The following UNC45B variants were observed in gnomAD, a reference collection of about 807,000 sequenced individuals.
The protein encoded by UNC45B is unc-45 myosin chaperone B, also known as protein unc-45 homolog B.
UNC45B carries 78 observed loss-of-function variants against 98.7 expected under a neutral mutation model. The ratio of observed to expected loss-of-function variants is 0.79; its 90% CI spans 0.66 to 0.95. The LOEUF (loss-of-function observed/expected upper bound fraction) is 0.95, where lower values mean the gene tolerates loss of function less well. Ranked by LOEUF, UNC45B falls within the 40% of genes least tolerant of loss-of-function variation. The probability of loss-of-function intolerance (pLI) is 0.00; values close to 1 mark genes in which losing one functional copy is unlikely to be tolerated. For missense variants in UNC45B, 1,225 were observed against 1,184.9 expected, an observed-to-expected ratio of 1.03 and a Z score of -0.50; for synonymous variants, 462 against 480.4, an observed-to-expected ratio of 0.96 and a Z score of 0.50.
chr17:35,158,917 G>T (rs949663488), intron 7 of UNC45B, among the ~76,000 whole-genome samples: 1 of 152,320 alleles, frequency 6.6e-6, no homozygotes, highest in Middle Eastern at 3.4e-3. Flanking sequence ...ATCTACCAGT[G>T]GGCAGGAAGT....
In UNC45B at chr17:35,171,250, G is replaced by A. The variant is rs1402221754; in HGVS notation, c.1690-72G>A. On this transcript the variant is annotated intron_variant, in intron 12 of 19. Coordinates refer to ENST00000394570, the MANE Select transcript of UNC45B (RefSeq NM_001267052.2). ...ACCAACCTGCCGGCCACGTGAGGGAGCATCCTGGAAGCAGAGGTTTGTCCT... is the reference window on the plus strand; with the variant it reads ...ACCAACCTGCCGGCCACGTGAGGGAACATCCTGGAAGCAGAGGTTTGTCCT... 7.0e-6 allele frequency: 11 copies of A among 1,572,626 alleles called. No homozygotes were observed. In the Admixed American group the frequency reaches 8.8e-5, roughly 13 times the overall value.
At chr17:35,167,845 TTA>T (rs2092151627) in intron 9 of UNC45B, among the ~76,000 whole-genome samples, 1 of 152,180 alleles carries the variant, frequency 6.6e-6, no homozygotes, top group Non-Finnish European at 1.5e-5. Context: ...GACACAGCTG[TTA>T]TGTCATTTAT....
At position 35,187,103 on chromosome 17, in the gene UNC45B, A is replaced by T. The variant is rs2092308485; in HGVS notation, c.*544A>T. 6.5e-6 allele frequency: 1 copy of T among 154,456 alleles called. No individual in the cohort carries two copies. The highest frequency in any genetic ancestry group is 1.4e-5 in the Non-Finnish European group (1 of 69,298). 9.6% of individuals were successfully genotyped at this position (154,456 alleles called of 1,614,324 possible). Reference sequence around the variant, plus strand: ...CATCACTTCACTGTGATGGAAATAGAGTTTATGTTCAACAGTGGGGCATGA... The same window carrying T: ...CATCACTTCACTGTGATGGAAATAGTGTTTATGTTCAACAGTGGGGCATGA... On this transcript the variant is annotated 3_prime_UTR_variant, in exon 20 of 20. Coordinates refer to ENST00000394570, the MANE Select transcript of UNC45B (RefSeq NM_001267052.2).
rs977733779 is a variant in UNC45B, at chr17:35,180,612, A to C, written c.2309A>C (p.Glu770Ala). ...CCAGACATCGAGAACTACATGTTTGAGAATCATGATCAGCTGCGGCAGGCG... is the reference window on the plus strand; with the variant it reads ...CCAGACATCGAGAACTACATGTTTGCGAATCATGATCAGCTGCGGCAGGCG... Reference protein sequence around the residue: ...ALPDIENYMFENHDQLRQAAT... With the variant: ...ALPDIENYMFANHDQLRQAAT... The change falls in exon 18 of 20, where the codon GAG becomes GCG. Residue 770 changes from glutamate to alanine, a missense_variant. Transcript: ENST00000394570. 1.2e-6 allele frequency: 2 copies of C among 1,613,936 alleles called. No homozygotes were observed. Among genetic ancestry groups the C allele is most frequent in the Non-Finnish European group, 1.7e-6 (2 of 1,179,986 alleles).
In UNC45B at chr17:35,175,949, T is replaced by C; in HGVS notation, c.1959-19T>C. On this transcript the variant is annotated intron_variant, in intron 14 of 19. Transcript: ENST00000394570. ...TGTGCTGGTGTATTAACTGTTCTCC[T>C]TTCTTCTCGGTCCCACAGGGTATTC... is the stretch of plus-strand genomic sequence containing the variant. 6.2e-7 allele frequency: 1 copy of C among 1,613,066 alleles called. No individual in the cohort carries two copies.
chr17:35,186,413 A>G lies in UNC45B; in HGVS notation c.2644A>G (p.Lys882Glu). The G allele has an allele frequency of 6.2e-7, 1 of 1,614,228 alleles. No individual in the cohort carries two copies. Among genetic ancestry groups the G allele is most frequent in the East Asian group, 2.2e-5 (1 of 44,882 alleles). ...ACTGGCAGCCGATGCTGAGCTGGCC[A>G]AGAAGCTGGTGGAGAGTGAGCTGCT... ...NLLAADAELA[K>E]KLVESELLEI... Residue 882 changes from lysine (K) to glutamate (E), a missense_variant, in exon 20 of 20, where the codon AAG becomes GAG. Coordinates refer to ENST00000394570, the MANE Select transcript of UNC45B (RefSeq NM_001267052.2).
chr17:35,149,770 C>G (rs968704215), intron 3 of UNC45B, among the ~76,000 whole-genome samples: 1 of 152,144 alleles, frequency 6.6e-6, no homozygotes, highest in Non-Finnish European at 1.5e-5. Flanking sequence ...ATGCAAGCAC[C>G]GATTGGTTAA....
At chr17:35,165,573 C>T (rs549650185) in intron 9 of UNC45B, among the ~76,000 whole-genome samples, 57 of 152,176 alleles carry the variant, frequency 3.7e-4, no homozygotes, top group African/African-American at 1.2e-3. Flanking sequence ...TATGAAGGGC[C>T]AGAGAGTAAA....
intron 4 of UNC45B, among the ~76,000 whole-genome samples, chr17:35,151,799 C>CA (rs2092021405): frequency 5.9e-5 from 9 of 152,128 alleles, no homozygotes; most frequent in Admixed American, 5.9e-4. Context: ...TCCGCACCCC[C>CA]AAAGGAAATG....
Position 35,168,335 on chromosome 17 carries a change from GAGA to G in UNC45B, c.1430_1432del (p.Lys477del). 7.3e-7 allele frequency: 1 copy of G among 1,375,024 alleles called. No homozygotes were observed. Among genetic ancestry groups the G allele is most frequent in the Non-Finnish European group, 9.5e-7 (1 of 1,053,104 alleles). 85.2% of individuals were successfully genotyped at this position (1,375,024 alleles called of 1,614,324 possible). A position where few individuals can be genotyped will look rare whatever the true frequency, so the allele number is the denominator to read the frequency against. ...ACAGATCTACAAGACCACCAAAAAT[GAGA>G]AGATCAAGATCCGCACACTGGTGGT... On this transcript the variant is annotated inframe_deletion, in exon 10 of 20. Coordinates refer to ENST00000394570, the MANE Select transcript of UNC45B (RefSeq NM_001267052.2).
chr17:35,167,763 A>C (rs1377819281), intron 9 of UNC45B, among the ~76,000 whole-genome samples: 1 of 152,136 alleles, frequency 6.6e-6, no homozygotes, highest in Non-Finnish European at 1.5e-5. Flanking sequence ...TCTCTTCCCA[A>C]GAGCTCTCTC....
Position 35,168,201 on chromosome 17 carries a change from G to T in UNC45B, c.1292G>T (p.Gly431Val), listed in dbSNP as rs2092155180. ...ATGGAGATGATGGTGGCACTATGTG[G>T]CTCAGAGCGCGAGACGGACCAGCTG... Reference protein sequence around the residue: ...GVMEMMVALCGSERETDQLVA... With the variant: ...GVMEMMVALCVSERETDQLVA... The change falls in exon 10 of 20, where the codon GGC becomes GTC. Residue 431 changes from glycine (G) to valine (V), a missense_variant. By Grantham distance (109) the Gly-to-Val change is moderately radical. Coordinates refer to ENST00000394570, the MANE Select transcript of UNC45B (RefSeq NM_001267052.2). 1.2e-6 allele frequency: 2 copies of T among 1,602,834 alleles called. No homozygotes were observed. Among genetic ancestry groups the T allele is most frequent in the African/African-American group, 1.3e-5 (1 of 74,436 alleles).
At chr17:35,179,279 T>G (rs2092257291) in intron 17 of UNC45B, among the ~76,000 whole-genome samples, 1 of 152,346 alleles carries the variant, frequency 6.6e-6, no homozygotes, top group East Asian at 1.9e-4. Flanking sequence ...ACATCCCTTG[T>G]AAATTGGATT....
intron 8 of UNC45B, among the ~76,000 whole-genome samples, chr17:35,162,455 C>G (rs2092108647): frequency 6.6e-6 from 1 of 152,278 alleles, no homozygotes; most frequent in Middle Eastern, 3.4e-3. Context: ...CAGGCGCTTT[C>G]TTTTTCTTTT....
chr17:35,180,432 A>G (rs1332973929), intron 17 of UNC45B, 127 bp from the exon 18 acceptor site: 2 of 717,554 alleles, frequency 2.8e-6, no homozygotes, highest in African/African-American at 3.6e-5. Context: ...TGCCACATAA[A>G]CCATGCTGGC....
At chr17:35,156,619 C>T (rs2092063945) in intron 7 of UNC45B, among the ~76,000 whole-genome samples, 2 of 151,496 alleles carry the variant, frequency 1.3e-5, no homozygotes, top group Non-Finnish European at 2.9e-5. Flanking sequence ...GAGTGAGACT[C>T]CGTCTCAAAA....
intron 13 of UNC45B, among the ~76,000 whole-genome samples, chr17:35,173,814 A>ATTT (rs34777618): frequency 6.0e-4 from 82 of 136,630 alleles, no homozygotes; most frequent in Admixed American, 1.9e-3. Context: ...TAGGCCATGG[A>ATTT]TTTTTTTTTT....
In UNC45B at chr17:35,177,499, A is replaced by T. The variant is rs1003516982; in HGVS notation, c.2144A>T (p.Tyr715Phe). 2.6e-6 allele frequency: 4 copies of T among 1,559,298 alleles called. No individual in the cohort carries two copies. In the East Asian group the frequency reaches 9.6e-5, roughly 38 times the overall value. ...PDIAFPGERV[Y>F]EVVRPLVRLL... ...CCCTTGACCCCTCCCCAACAGGTGT[A>T]TGAGGTGGTGCGGCCCCTTGTAAGA... Residue 715 changes from tyrosine to phenylalanine, a missense_variant, in exon 17 of 20, where the codon TAT (tyrosine) becomes TTT (phenylalanine). By Grantham distance (22) the Tyr-to-Phe change is conservative. Coordinates refer to ENST00000394570, the MANE Select transcript of UNC45B (RefSeq NM_001267052.2).
At chr17:35,181,649 G>T (rs1247377055) in intron 18 of UNC45B, among the ~76,000 whole-genome samples, 1 of 152,116 alleles carries the variant, frequency 6.6e-6, no homozygotes, top group Non-Finnish European at 1.5e-5. Context: ...ACATTAGCCA[G>T]GCATGGTGGT....
Sources: allele counts gnomAD v4.1 joint callset (sites outside exome capture counted in the v4.1 genomes callset), GRCh38; gene constraint gnomAD v4.1.1; transcripts MANE v1.5; gene names NCBI Gene and HGNC (gene_info 2026-07-23, HGNC 2026-07-21).